INSR: variants seen among roughly 807,000 people sequenced by gnomAD.
INSR encodes insulin receptor.
A neutral mutation model predicts 142.6 loss-of-function variants in INSR; 67 were observed. That is an observed-to-expected ratio of 0.47 (90% CI 0.39 to 0.58). The LOEUF is 0.58. Among genes scored for constraint, INSR ranks in the 20% least tolerant of loss-of-function variants. INSR has a pLI of 0.00. For missense variants in INSR, 1,248 were observed against 1,833.2 expected (o/e 0.68, Z 5.83); for synonymous variants, 756 against 743.1 (o/e 1.02, Z -0.28).
chr19:7,238,577 C>G (rs1343788855), intron 2 of INSR, among the ~76,000 whole-genome samples: 2 of 138,332 alleles, frequency 1.4e-5, no homozygotes, highest in African/African-American at 5.4e-5. Flanking sequence ...GCTGAGATCA[C>G]GCCATTGCAC....
At chr19:7,269,404 C>G (rs2145214245) in intron 1 of INSR, among the ~76,000 whole-genome samples, 1 of 148,466 alleles carries the variant, frequency 6.7e-6, no homozygotes, top group East Asian at 1.9e-4. Context: ...CACACACACA[C>G]ACACACACAC....
At chr19:7,231,297 T>TG (rs1975967441) in intron 2 of INSR, among the ~76,000 whole-genome samples, 1 of 722 alleles carries the variant, frequency 1.4e-3, no homozygotes, top group African/African-American at 1.9e-3. Flanking sequence ...TGTTTTTTGT[T>TG]TTTTTTTTTT....
At chr19:7,224,376 C>T (rs923521413) in intron 2 of INSR, among the ~76,000 whole-genome samples, 4 of 151,842 alleles carry the variant, frequency 2.6e-5, no homozygotes, top group African/African-American at 9.7e-5. Context: ...ATTGGCTTTT[C>T]CTCTGCCAAG....
At chr19:7,249,815 A>C (rs991313073) in intron 2 of INSR, among the ~76,000 whole-genome samples, 10 of 152,096 alleles carry the variant, frequency 6.6e-5, no homozygotes, top group Admixed American at 2.0e-4. Flanking sequence ...ACAGGGTGAA[A>C]CCCCGTCTCT....
At chr19:7,123,759 C>G (rs1187886103) in intron 17 of INSR, among the ~76,000 whole-genome samples, 2 of 148,916 alleles carry the variant, frequency 1.3e-5, no homozygotes, top group Non-Finnish European at 3.0e-5. Context: ...CCCATCTCTA[C>G]TAAAAATACA....
Position 7,120,756 on chromosome 19 carries a change from A to T in INSR, c.3530-7T>A. 2 of 1,613,716 alleles carry T rather than the reference A, an allele frequency of 1.2e-6. No individual in the cohort carries two copies. Among genetic ancestry groups the T allele is most frequent in the Non-Finnish European group, 1.7e-6 (2 of 1,179,778 alleles). On this transcript the variant is annotated splice_polypyrimidine_tract_variant and splice_region_variant and intron_variant, in intron 19 of 21. Transcript: ENST00000302850. ...TCTCTGGTCATTCCAAAGTCTGACAACACAAAAGGTTCACACGCTCTTAAC... is the reference window on the plus strand; with the variant it reads ...TCTCTGGTCATTCCAAAGTCTGACATCACAAAAGGTTCACACGCTCTTAAC...
chr19:7,239,310 A>C (rs1337385377), intron 2 of INSR, among the ~76,000 whole-genome samples: 2 of 151,200 alleles, frequency 1.3e-5, no homozygotes, highest in African/African-American at 2.4e-5. Flanking sequence ...CCACCCCAAA[A>C]CAGCTCCCAG....
At chr19:7,227,195 C>G (rs530428552) in intron 2 of INSR, among the ~76,000 whole-genome samples, 13 of 152,138 alleles carry the variant, frequency 8.5e-5, no homozygotes, top group South Asian at 2.1e-4. Flanking sequence ...AACGAATTCA[C>G]TATTTGTTGC....
Position 7,275,490 on chromosome 19 carries a change from AAT to A in INSR, c.101-7596_101-7595del, listed in dbSNP as rs373146882. 2.4e-3 allele frequency among the ~76,000 whole-genome samples: 362 copies of A among 152,212 alleles called. 3 individuals carry two copies. Among genetic ancestry groups the A allele is most frequent in the African/African-American group, 8.2e-3 (341 of 41,528 alleles). On this transcript the variant is annotated intron_variant, in intron 1 of 21. Coordinates refer to ENST00000302850, the MANE Select transcript of INSR (RefSeq NM_000208.4). ...TTTCAATGAATTAAAGTGAAAATAAAATTCAGTTTCAGCCAGGTGCGGTGGCT... is the reference window on the plus strand; with the variant it reads ...TTTCAATGAATTAAAGTGAAAATAAATCAGTTTCAGCCAGGTGCGGTGGCT...
chr19:7,277,921 G>A (rs1265892279), intron 1 of INSR, among the ~76,000 whole-genome samples: 3 of 151,260 alleles, frequency 2.0e-5, no homozygotes, highest in Admixed American at 6.6e-5. Context: ...GTGAAACCCC[G>A]TCTCTACTAA....
chr19:7,182,161 G>T (rs934503627), intron 3 of INSR, among the ~76,000 whole-genome samples: 1 of 151,708 alleles, frequency 6.6e-6, no homozygotes, highest in East Asian at 2.0e-4. Context: ...ATGAAACCCG[G>T]TCTCTACTAA....
intron 1 of INSR, among the ~76,000 whole-genome samples, chr19:7,270,333 TCTCTCTCACA>T (rs1220803268): frequency 3.1e-5 from 2 of 65,502 alleles, no homozygotes; most frequent in African/African-American, 5.0e-5. Flanking sequence ...TCTCTCTCTC[TCTCTCTCACA>T]CACACACACA....
At chr19:7,264,344 A>C (rs1170163731) in intron 2 of INSR, among the ~76,000 whole-genome samples, 3 of 152,136 alleles carry the variant, frequency 2.0e-5, no homozygotes, top group Non-Finnish European at 4.4e-5. Context: ...AAAACAAACA[A>C]ACAAACAAAC....
At position 7,146,236 on chromosome 19, in the gene INSR, C is replaced by CCTTT. The variant is rs1424523294; in HGVS notation, c.2268-3147_2268-3146insAAAG. Among the ~76,000 whole-genome samples the CCTTT allele has an allele frequency of 2.6e-4, 29 of 110,748 alleles. 7 individuals are homozygous for CCTTT. Among genetic ancestry groups the CCTTT allele is most frequent in the Non-Finnish European group, 2.6e-4 (14 of 53,228 alleles). The allele number at this position is 110,748 out of a possible 152,430, so 72.7% of individuals were successfully genotyped here. A position where few individuals can be genotyped will look rare whatever the true frequency, so the allele number is the denominator to read the frequency against. On this transcript the variant is annotated intron_variant, in intron 11 of 21. Coordinates refer to ENST00000302850, the MANE Select transcript of INSR (RefSeq NM_000208.4). ...TTCAGTGCAGTATCTTTGTCAAGTT[C>CCTTT]TTTTTTTTTTTTTTTTTTTTTTGAG... is the stretch of plus-strand genomic sequence containing the variant.
intron 1 of INSR, among the ~76,000 whole-genome samples, chr19:7,284,662 C>G (rs1048512102): frequency 6.6e-6 from 1 of 151,914 alleles, no homozygotes; most frequent in African/African-American, 2.4e-5. Flanking sequence ...CGGAGTAGCT[C>G]GGACTACAGG....
intron 1 of INSR, among the ~76,000 whole-genome samples, chr19:7,273,641 C>A (rs551500669): frequency 6.9e-4 from 105 of 151,820 alleles, no homozygotes; most frequent in African/African-American, 2.4e-3. Flanking sequence ...GCCTCAGCCT[C>A]CCGAGTAGCT....
At chr19:7,160,475 G>A (rs1310261963) in intron 9 of INSR, among the ~76,000 whole-genome samples, 1 of 151,680 alleles carries the variant, frequency 6.6e-6, no homozygotes, top group South Asian at 2.1e-4. Context: ...AATTAGCCAG[G>A]TATAGTGTCT....
At position 7,166,473 on chromosome 19, in the gene INSR, G is replaced by A; in HGVS notation, c.1611-69C>T. 1 of 1,562,340 alleles carries A rather than the reference G, an allele frequency of 6.4e-7. No individual in the cohort carries two copies. The highest frequency in any genetic ancestry group is 8.7e-7 in the Non-Finnish European group (1 of 1,146,812). ...GTCACACTGAGTGCCGTGCAGATGA[G>A]GCCTGGGAAGTTACATCCCATAGGG... On this transcript the variant is annotated intron_variant, in intron 7 of 21. Coordinates refer to ENST00000302850, the MANE Select transcript of INSR (RefSeq NM_000208.4). This position sits in a 1 kb window ranked among gnomAD's most constrained non-coding sequence, Gnocchi z 4.1.
intron 2 of INSR, among the ~76,000 whole-genome samples, chr19:7,251,925 A>G (rs1425066532): frequency 6.6e-6 from 1 of 152,158 alleles, no homozygotes; most frequent in Non-Finnish European, 1.5e-5. Flanking sequence ...TCCATTAATT[A>G]AATATAGAAT....
Sources: allele counts gnomAD v4.1 joint callset (sites outside exome capture counted in the v4.1 genomes callset), GRCh38; gene constraint gnomAD v4.1.1; non-coding constraint Gnocchi (gnomAD v3.1); transcripts MANE v1.5; gene names NCBI Gene and HGNC (gene_info 2026-07-23, HGNC 2026-07-21).